POLN: variants seen among roughly 807,000 people sequenced by gnomAD.
POLN encodes DNA polymerase nu, also known as DNA polymerase N.
POLN carries 108 observed loss-of-function variants against 113.5 expected under a neutral mutation model. The observed-to-expected ratio is 0.95, with a 90% CI of 0.81 to 1.12. The LOEUF (loss-of-function observed/expected upper bound fraction) is 1.12. Ranked by LOEUF, POLN falls within the 50% of genes most tolerant of loss-of-function variation. The pLI, the probability that POLN is intolerant of heterozygous loss-of-function variation, is 0.00. For missense variants in POLN, 1,097 were observed against 1,077.1 expected (o/e 1.02, Z -0.26); for synonymous variants, 386 against 391.5 (o/e 0.99, Z 0.17).
At chr4:2,212,963 C>T (rs1734028477) in intron 4 of POLN, 84 bp downstream of exon 4, 2 of 908,224 alleles carry the variant, frequency 2.2e-6, no homozygotes, top group Non-Finnish European at 3.3e-6. Flanking sequence ...TCTACAGTGC[C>T]TAGCACACAG....
At chr4:2,075,561 T>TG (rs2108686510) in intron 23 of POLN, 42 bp from the exon 24 acceptor site, 1 of 1,601,486 alleles carries the variant, frequency 6.2e-7, no homozygotes, top group Non-Finnish European at 8.5e-7. Flanking sequence ...GCCAGGACTG[T>TG]GGGGCGTGGG....
At chr4:2,174,091 G>T (rs987778051) in intron 10 of POLN, 72 bp from the exon 11 acceptor site, 8 of 1,411,256 alleles carry the variant, frequency 5.7e-6, no homozygotes, top group African/African-American at 4.3e-5. Context: ...AAAATGCTTC[G>T]CTCCCTGATG....
chr4:2,237,247 A>G (rs1354239901), intron 2 of POLN, among the ~76,000 whole-genome samples: 1 of 151,326 alleles, frequency 6.6e-6, no homozygotes, highest in Non-Finnish European at 1.5e-5. Context: ...ACTTGGCAAC[A>G]TATTGAAGCC....
chr4:2,152,387 G>A (rs1167799879), intron 16 of POLN, among the ~76,000 whole-genome samples: 4 of 146,812 alleles, frequency 2.7e-5, no homozygotes, highest in South Asian at 4.9e-4. Flanking sequence ...TGTCACCTAG[G>A]GTGAAGTGCT....
At chr4:2,225,989 G>GA (rs564058927) in intron 3 of POLN, among the ~76,000 whole-genome samples, 58 of 144,332 alleles carry the variant, frequency 4.0e-4, no homozygotes, top group Middle Eastern at 3.6e-3. Flanking sequence ...ACCCTGTCTC[G>GA]AAAAAAAAAA....
At position 2,075,257 on chromosome 4, in the gene POLN, G is replaced by A. The variant is rs192444581; in HGVS notation, c.2455+195C>T. ...GGTGGCCCAGGGTGGAGCCCACTTGGGCCTTTCAAGGGTCCCCAAACCCAG... is the reference window on the plus strand; with the variant it reads ...GGTGGCCCAGGGTGGAGCCCACTTGAGCCTTTCAAGGGTCCCCAAACCCAG... On this transcript the variant is annotated intron_variant, in intron 24 of 25. Coordinates refer to ENST00000511885, the MANE Select transcript of POLN (RefSeq NM_181808.4). 1.7e-3 allele frequency among the ~76,000 whole-genome samples: 252 copies of A among 152,354 alleles called. 1 individual carries two copies. The highest frequency in any genetic ancestry group is 5.8e-3 in the African/African-American group (241 of 41,582).
At chr4:2,239,147 A>G (rs1734879563) in intron 2 of POLN, 1 of 568,998 alleles carries the variant, frequency 1.8e-6, no homozygotes, top group Admixed American at 3.6e-5. Flanking sequence ...AATAAGCTCA[A>G]TGAATGAAAA....
chr4:2,121,443 A>AT (rs1731438868), intron 19 of POLN, among the ~76,000 whole-genome samples: 7 of 77,562 alleles, frequency 9.0e-5, no homozygotes, highest in African/African-American at 2.1e-4. Flanking sequence ...TCAAAAAAAA[A>AT]AAAAAAAAAA....
intron 13 of POLN, among the ~76,000 whole-genome samples, chr4:2,164,922 G>C (rs906038190): frequency 6.7e-5 from 10 of 150,146 alleles, no homozygotes; most frequent in African/African-American, 2.4e-4. Context: ...GTGCTGGCAA[G>C]GATGTGGAGC....
chr4:2,231,152 A>T (rs1424232289), intron 2 of POLN: 1 of 152,240 alleles, frequency 6.6e-6, no homozygotes, highest in Non-Finnish European at 1.5e-5. Context: ...TAGGGACATT[A>T]AAACAGCCTA....
At chr4:2,177,502 G>A (rs1246186714) in intron 8 of POLN, among the ~76,000 whole-genome samples, 1 of 152,208 alleles carries the variant, frequency 6.6e-6, no homozygotes, top group African/African-American at 2.4e-5. Context: ...TCCATGCCCT[G>A]CATGGCTCAA....
intron 2 of POLN, chr4:2,236,274 C>A (rs1734761040): frequency 6.2e-7 from 1 of 1,613,598 alleles, no homozygotes; most frequent in Non-Finnish European, 8.5e-7. Flanking sequence ...CAAAGTATCA[C>A]AAAGCATGTC....
At chr4:2,241,434 C>A (rs1430583318) in intron 2 of POLN, 86 bp downstream of exon 2, 3 of 925,570 alleles carry the variant, frequency 3.2e-6, no homozygotes, top group African/African-American at 3.6e-5. Flanking sequence ...CACCAGGAGG[C>A]TAGGCAGCCT....
chr4:2,135,782 A>G (rs1731841442), intron 16 of POLN, among the ~76,000 whole-genome samples: 1 of 152,202 alleles, frequency 6.6e-6, no homozygotes, highest in Non-Finnish European at 1.5e-5. Flanking sequence ...CGCCCATGAG[A>G]GCATCGAAGT....
chr4:2,201,487 C>T (rs1733714289), intron 5 of POLN, among the ~76,000 whole-genome samples: 1 of 151,424 alleles, frequency 6.6e-6, no homozygotes, highest in South Asian at 2.1e-4. Context: ...TTAACCCAAT[C>T]CAACAAAGAC....
chr4:2,154,174 G>A (rs1416944850), intron 16 of POLN, among the ~76,000 whole-genome samples: 1 of 139,980 alleles, frequency 7.1e-6, no homozygotes, highest in African/African-American at 2.7e-5. Flanking sequence ...CTCCAGCCTG[G>A]GCGACAGCGA....
chr4:2,104,743 C>T (rs1051628528), intron 19 of POLN, among the ~76,000 whole-genome samples: 2 of 152,328 alleles, frequency 1.3e-5, no homozygotes, highest in East Asian at 1.9e-4. Flanking sequence ...AGTCAGACCA[C>T]GTGAAACATG....
At chr4:2,183,349 C>T (rs1449217757) in intron 7 of POLN, among the ~76,000 whole-genome samples, 2 of 152,148 alleles carry the variant, frequency 1.3e-5, no homozygotes, top group African/African-American at 4.8e-5. Context: ...GACCTTTACA[C>T]CAAAGTTCAT....
intron 19 of POLN, among the ~76,000 whole-genome samples, chr4:2,098,564 T>A (rs1475773113): frequency 2.0e-5 from 3 of 152,206 alleles, no homozygotes; most frequent in Non-Finnish European, 4.4e-5. Flanking sequence ...GAATGATCCA[T>A]GGGTAATGGG....
Sources: gnomAD v4.1 joint callset for allele counts (sites outside exome capture counted in the v4.1 genomes callset) on GRCh38, gnomAD v4.1.1 for gene constraint, MANE v1.5 for transcripts, NCBI Gene and HGNC (gene_info 2026-07-23, HGNC 2026-07-21) for gene names.